The following FLVCR2 variants were observed in gnomAD, a reference collection of about 807,000 sequenced individuals.
FLVCR2 encodes FLVCR choline and putative heme transporter 2.
Under a neutral mutation model 48.9 loss-of-function variants are expected in FLVCR2, and 38 were observed. The observed-to-expected ratio is 0.78, with a 90% CI of 0.60 to 1.02. FLVCR2 has a LOEUF of 1.02. Ranked by LOEUF, FLVCR2 falls within the 50% of genes least tolerant of loss-of-function variation. The pLI is 0.00. For synonymous variants in FLVCR2, 255 were observed against 257.0 expected (o/e 0.99, Z 0.07); for missense variants, 664 against 663.3 (o/e 1.00, Z -0.01).
At chr14:75,631,611 C>G (rs1890038858) in intron 3 of FLVCR2, 3 of 350,138 alleles carry the variant, frequency 8.6e-6, no homozygotes, top group Non-Finnish European at 1.7e-5. Flanking sequence ...AGCAGCTGTT[C>G]CCCTGAAGCT....
At chr14:75,598,574 C>A (rs1190328649) in intron 1 of FLVCR2, among the ~76,000 whole-genome samples, 2 of 152,172 alleles carry the variant, frequency 1.3e-5, no homozygotes, top group Non-Finnish European at 2.9e-5. Flanking sequence ...ACCTCCTGGG[C>A]TTAAGCGATC....
At chr14:75,631,933 A>G (rs1890051255) in intron 3 of FLVCR2, 1 of 438,682 alleles carries the variant, frequency 2.3e-6, no homozygotes, top group African/African-American at 2.0e-5. Context: ...GTTTGGGGAC[A>G]TGTCTGGGTT....
chr14:75,611,337 C>T (rs913702177), intron 1 of FLVCR2, among the ~76,000 whole-genome samples: 15 of 152,230 alleles, frequency 9.9e-5, no homozygotes, highest in African/African-American at 3.6e-4. Context: ...TCACCTTGTC[C>T]GTTGAGGGCT....
chr14:75,641,282 C>T lies in FLVCR2; in HGVS notation c.1442C>T (p.Ala481Val), dbSNP rs1422546394. ...IFLCVFLTLGAALTAFIKADL... is the reference protein window; with the variant it reads ...IFLCVFLTLGVALTAFIKADL... ...CTGTGTGTGTTCCTTACTCTTGGAGCAGCCCTCACTGGTGAGTTGGAGCCT... is the reference window on the plus strand; with the variant it reads ...CTGTGTGTGTTCCTTACTCTTGGAGTAGCCCTCACTGGTGAGTTGGAGCCT... The change falls in exon 8 of 10, where the codon GCA becomes GTA. Residue 481 changes from alanine to valine, a missense_variant. Transcript: ENST00000238667. 1.2e-6 allele frequency: 2 copies of T among 1,613,180 alleles called. No homozygotes were observed. The highest frequency in any genetic ancestry group is 1.7e-5 in the Admixed American group (1 of 60,004).
intron 1 of FLVCR2, among the ~76,000 whole-genome samples, chr14:75,618,735 T>G (rs1889678218): frequency 1.3e-5 from 2 of 152,150 alleles, no homozygotes. Context: ...TGGGTGAAAA[T>G]GTAGACTTCC....
In FLVCR2 at chr14:75,639,751, G is replaced by A. The variant is rs527852227; in HGVS notation, c.1235+289G>A. Among the ~76,000 whole-genome samples the A allele has an allele frequency of 2.0e-3, 311 of 152,240 alleles. 2 individuals are homozygous for A. Among genetic ancestry groups the A allele is most frequent in the African/African-American group, 7.0e-3 (289 of 41,536 alleles). On this transcript the variant is annotated intron_variant, in intron 6 of 9. Coordinates refer to ENST00000238667, the MANE Select transcript of FLVCR2 (RefSeq NM_017791.3). ...TTTTGCCTGGACAACATGGGATTGT[G>A]GAAAGTACACAGGGCTTGGAACCAG...
At position 75,618,917 on chromosome 14, in the gene FLVCR2, T is replaced by G. The variant is rs147130770; in HGVS notation, c.670-3162T>G. ...TTTTTTTTTTGCCCTCTCTCTTTTT[T>G]GTTGTTACAAAGTTATTGGCGATAG... On this transcript the variant is annotated intron_variant, in intron 1 of 9. Coordinates refer to ENST00000238667, the MANE Select transcript of FLVCR2 (RefSeq NM_017791.3). 6.4e-3 allele frequency among the ~76,000 whole-genome samples: 976 copies of G among 152,004 alleles called. 18 individuals are homozygous for G. Among genetic ancestry groups the G allele is most frequent in the African/African-American group, 0.022 (922 of 41,434 alleles).
In FLVCR2 at chr14:75,646,473, G is replaced by T; in HGVS notation, c.*1G>T. The T allele has an allele frequency of 6.2e-7, 1 of 1,607,572 alleles. No homozygotes were observed. Among genetic ancestry groups the T allele is most frequent in the South Asian group, 1.1e-5 (1 of 90,924 alleles). On this transcript the variant is annotated 3_prime_UTR_variant, in exon 10 of 10. Transcript: ENST00000238667. ...TGCTGTGTCAGAGGATCATCTCTGA[G>T]AGGAAGGTGGTGACAACTCAGGGAA...
intron 3 of FLVCR2, 21 bp from the exon 4 acceptor site, chr14:75,633,608 A>G: frequency 6.2e-7 from 1 of 1,607,330 alleles, no homozygotes; most frequent in Non-Finnish European, 8.5e-7. Context: ...CTAATGTTGT[A>G]TTTCTCGCTC....
Position 75,622,835 on chromosome 14 carries a change from T to C in FLVCR2, c.811+615T>C, listed in dbSNP as rs186472399. On this transcript the variant is annotated intron_variant, in intron 2 of 9. Transcript: ENST00000238667. ...GTTCTTTAATGCCTTTTAAAAAAATTATAAGAGTAACATATGCTTATTATA... is the reference window on the plus strand; with the variant it reads ...GTTCTTTAATGCCTTTTAAAAAAATCATAAGAGTAACATATGCTTATTATA... Among the ~76,000 whole-genome samples, 738 of 152,128 alleles carry C rather than the reference T, an allele frequency of 4.9e-3. 5 individuals are homozygous for C. Among genetic ancestry groups the C allele is most frequent in the African/African-American group, 0.017 (708 of 41,510 alleles).
chr14:75,634,138 G>T (rs988925018), intron 4 of FLVCR2, among the ~76,000 whole-genome samples: 4 of 152,090 alleles, frequency 2.6e-5, no homozygotes, highest in African/African-American at 7.2e-5. Context: ...ACCCACGAGG[G>T]CTGGGCTGGA....
At chr14:75,598,902 C>T (rs1889091603) in intron 1 of FLVCR2, among the ~76,000 whole-genome samples, 1 of 152,222 alleles carries the variant, frequency 6.6e-6, no homozygotes, top group Non-Finnish European at 1.5e-5. Context: ...TAACTTGTCT[C>T]TTGTTACCTC....
chr14:75,597,905 G>T (rs1319937828), intron 1 of FLVCR2, among the ~76,000 whole-genome samples: 3 of 152,014 alleles, frequency 2.0e-5, no homozygotes, highest in African/African-American at 4.8e-5. Flanking sequence ...CCCAAATAAG[G>T]CTCGTGATCA....
intron 1 of FLVCR2, among the ~76,000 whole-genome samples, chr14:75,581,221 G>T (rs1349586836): frequency 3.9e-5 from 6 of 152,138 alleles, no homozygotes; most frequent in Non-Finnish European, 5.9e-5. Flanking sequence ...AAGACACAAG[G>T]TCTGAAAAAG....
rs201832792 is a variant in FLVCR2, at chr14:75,582,922, A to AC, written c.669+3282dup. ...TTGGGGTTTGGGAGATTAGCTGGAC[A>AC]CGATCAGCAGGGAGAGCACATTGTT... On this transcript the variant is annotated intron_variant, in intron 1 of 9. Coordinates refer to ENST00000238667, the MANE Select transcript of FLVCR2 (RefSeq NM_017791.3). Among the ~76,000 whole-genome samples, 1,450 of 152,344 alleles carry AC rather than the reference A, an allele frequency of 9.5e-3. 10 individuals carry two copies. The highest frequency in any genetic ancestry group is 0.037 in the Middle Eastern group (11 of 294).
chr14:75,621,658 G>T (rs925478562), intron 1 of FLVCR2, among the ~76,000 whole-genome samples: 1 of 152,102 alleles, frequency 6.6e-6, no homozygotes, highest in Non-Finnish European at 1.5e-5. Flanking sequence ...GGGCTTGCAG[G>T]GTATAGAATT....
chr14:75,646,291 C>A, intron 9 of FLVCR2, 110 bp from the exon 10 acceptor site: 1 of 747,452 alleles, frequency 1.3e-6, no homozygotes, highest in East Asian at 2.7e-5. Flanking sequence ...TGCTGAGTGG[C>A]CCCCGGCTCT....
chr14:75,640,888 G>T, intron 6 of FLVCR2, 67 bp from the exon 7 acceptor site: 1 of 1,094,740 alleles, frequency 9.1e-7, no homozygotes, highest in Non-Finnish European at 1.4e-6. Context: ...TAGGGGAGGA[G>T]GTGGGCTCCC....
intron 3 of FLVCR2, among the ~76,000 whole-genome samples, chr14:75,628,726 T>C (rs1889966713): frequency 6.6e-6 from 1 of 152,200 alleles, no homozygotes; most frequent in African/African-American, 2.4e-5. Flanking sequence ...TGCCAGATAC[T>C]GAGTGTACCA....
Sources: gnomAD v4.1 joint callset for allele counts (sites outside exome capture counted in the v4.1 genomes callset) on GRCh38, gnomAD v4.1.1 for gene constraint, MANE v1.5 for transcripts, NCBI Gene and HGNC (gene_info 2026-07-23, HGNC 2026-07-21) for gene names.